Variants in ADARB2 observed in about 807,000 individuals in gnomAD.
ADARB2 encodes adenosine deaminase RNA specific B2 (inactive).
A neutral mutation model predicts 62.2 loss-of-function variants in ADARB2; 25 were observed. The observed-to-expected ratio is 0.40, with a 90% CI of 0.29 to 0.56. The LOEUF (loss-of-function observed/expected upper bound fraction) is 0.56. Ranked by LOEUF, ADARB2 falls within the 20% of genes least tolerant of loss-of-function variation. The pLI is 0.43. For missense variants in ADARB2, 1,071 were observed against 1,077.4 expected (o/e 0.99, Z 0.08); for synonymous variants, 572 against 500.8 (o/e 1.14, Z -1.90).
chr10:1,596,835 G>C (rs1286137772), intron 1 of ADARB2, among the ~76,000 whole-genome samples: 1 of 152,208 alleles, frequency 6.6e-6, no homozygotes, highest in African/African-American at 2.4e-5. Context: ...GCAGGAGGGA[G>C]AGTGGGAGCA....
chr10:1,402,687 T>G (rs1351833593), intron 1 of ADARB2, among the ~76,000 whole-genome samples: 1 of 152,016 alleles, frequency 6.6e-6, no homozygotes, highest in African/African-American at 2.4e-5. Context: ...AGAGGAAGCC[T>G]CCTCCCTGGG....
chr10:1,186,286 C>T (rs887857257), intron 8 of ADARB2, among the ~76,000 whole-genome samples: 6 of 152,052 alleles, frequency 3.9e-5, no homozygotes, highest in African/African-American at 9.7e-5. Context: ...GGCCCTCAGA[C>T]GTCCATGGGT....
intron 4 of ADARB2, among the ~76,000 whole-genome samples, chr10:1,249,747 C>G (rs544660534): frequency 6.6e-6 from 1 of 151,924 alleles, no homozygotes; most frequent in Non-Finnish European, 1.5e-5. Flanking sequence ...AAGAAATTAG[C>G]TCTGTAGTAA....
intron 1 of ADARB2, among the ~76,000 whole-genome samples, chr10:1,642,700 C>T (rs900159346): frequency 1.6e-4 from 24 of 152,040 alleles, no homozygotes; most frequent in Admixed American, 5.9e-4. Flanking sequence ...CACTCACACA[C>T]TCACACACTC....
chr10:1,472,680 G>A (rs994161648), intron 1 of ADARB2, among the ~76,000 whole-genome samples: 1 of 152,184 alleles, frequency 6.6e-6, no homozygotes, highest in Non-Finnish European at 1.5e-5. Flanking sequence ...CCTCTTGATC[G>A]CTCTGTGCAA....
Position 1,363,184 on chromosome 10 carries a change from C to A in ADARB2, c.921G>T (p.Val307=). The change falls in exon 3 of 10, where the codon GTG becomes GTT. Residue 307 remains valine (V), a synonymous_variant. Coordinates refer to ENST00000381312, the MANE Select transcript of ADARB2 (RefSeq NM_018702.4). ...EPAERRARSF[V]MAVSVDGRTF... ...TCCTGCCGTCCACGCTCACGGCCATCACGAAGCTCCGCGCGCGCCGCTCGG... is the reference window on the plus strand; with the variant it reads ...TCCTGCCGTCCACGCTCACGGCCATAACGAAGCTCCGCGCGCGCCGCTCGG... 6.6e-7 allele frequency: 1 copy of A among 1,522,170 alleles called. No individual in the cohort carries two copies. The highest frequency in any genetic ancestry group is 8.8e-7 in the Non-Finnish European group (1 of 1,142,114). The allele number at this position is 1,522,170 out of a possible 1,614,324, so 94.3% of individuals were successfully genotyped here.
intron 3 of ADARB2, among the ~76,000 whole-genome samples, chr10:1,298,581 G>A (rs1016739542): frequency 1.3e-5 from 2 of 152,128 alleles, no homozygotes; most frequent in African/African-American, 4.8e-5. Context: ...AGGCAAGGAA[G>A]GGCCTCTTTT....
intron 1 of ADARB2, among the ~76,000 whole-genome samples, chr10:1,587,552 T>C (rs1464809963): frequency 6.6e-6 from 1 of 151,814 alleles, no homozygotes; most frequent in African/African-American, 2.4e-5. Context: ...ATTTTTTTTT[T>C]CATAAGCACT....
At chr10:1,570,446 GGGCA>G (rs58309122) in intron 1 of ADARB2, among the ~76,000 whole-genome samples, 105,789 of 151,408 alleles carry the variant, frequency 0.7, 37,051 homozygotes, top group Admixed American at 0.75. Context: ...GAAGCAGGAC[GGGCA>G]GGCACCATGC....
chr10:1,189,783 G>A (rs924410168), intron 8 of ADARB2, among the ~76,000 whole-genome samples: 1 of 137,066 alleles, frequency 7.3e-6, no homozygotes, highest in Admixed American at 7.2e-5. Flanking sequence ...AACACGTGGC[G>A]CTACCTCCTT....
chr10:1,625,409 C>T (rs944726563), intron 1 of ADARB2, among the ~76,000 whole-genome samples: 3 of 152,220 alleles, frequency 2.0e-5, no homozygotes, highest in African/African-American at 4.8e-5. Context: ...CTTACAGGGA[C>T]TGAGGTTTGC....
chr10:1,210,274 T>A (rs1175138394), intron 7 of ADARB2, among the ~76,000 whole-genome samples: 2 of 152,236 alleles, frequency 1.3e-5, no homozygotes, highest in Non-Finnish European at 1.5e-5. Context: ...TTATTCTCAT[T>A]TTAATACATG....
In ADARB2 at chr10:1,185,067, G is replaced by A. The variant is rs199826438; in HGVS notation, c.1865-28C>T. ...GTCGGGGAGATGGGGAAAGGCGGGCGTTAATATTCCTGGCCTCACACGGGG... is the reference window on the plus strand; with the variant it reads ...GTCGGGGAGATGGGGAAAGGCGGGCATTAATATTCCTGGCCTCACACGGGG... On this transcript the variant is annotated intron_variant, in intron 8 of 9. Transcript: ENST00000381312. 119 of 1,600,160 alleles carry A rather than the reference G, an allele frequency of 7.4e-5. No individual in the cohort carries two copies. In the African/African-American group the frequency reaches 1.3e-3, roughly 17 times the overall value.
At chr10:1,230,863 A>G (rs1341425878) in intron 6 of ADARB2, among the ~76,000 whole-genome samples, 4 of 152,226 alleles carry the variant, frequency 2.6e-5, no homozygotes, top group Non-Finnish European at 5.9e-5. Context: ...TATCTGCTGC[A>G]AAAATGTGAG....
At chr10:1,580,488 A>G (rs941392194) in intron 1 of ADARB2, among the ~76,000 whole-genome samples, 1 of 146,788 alleles carries the variant, frequency 6.8e-6, no homozygotes, top group African/African-American at 2.5e-5. Context: ...TGAGATGAGA[A>G]AATTTGTCTT....
chr10:1,453,928 C>T (rs566984260), intron 1 of ADARB2, among the ~76,000 whole-genome samples: 1 of 152,250 alleles, frequency 6.6e-6, no homozygotes, highest in South Asian at 2.1e-4. Flanking sequence ...TGGCTATTTT[C>T]AGAAAATTAA....
rs1254105066 is a variant in ADARB2, at chr10:1,333,908, T to C, written c.1077+29120A>G. Among the ~76,000 whole-genome samples the C allele has an allele frequency of 2.0e-5, 3 of 152,108 alleles. No individual in the cohort carries two copies. The East Asian group carries it at 5.8e-4, about 29-fold the overall frequency. ...TCCTTTGCTACCCAGACTGATGAAA[T>C]ACAAACCTCTCAAAGAAAACAGACA... On this transcript the variant is annotated intron_variant, in intron 3 of 9. Transcript: ENST00000381312.
chr10:1,662,335 C>T (rs554339146), intron 1 of ADARB2, among the ~76,000 whole-genome samples: 65 of 152,178 alleles, frequency 4.3e-4, no homozygotes, highest in Non-Finnish European at 1.3e-4. Flanking sequence ...CCTCCATCCT[C>T]GGCCTCAGGA....
intron 1 of ADARB2, among the ~76,000 whole-genome samples, chr10:1,698,079 C>T: frequency 6.6e-6 from 1 of 152,310 alleles, no homozygotes; most frequent in South Asian, 2.1e-4. Context: ...AAATCAACAT[C>T]TCTACCTCTC....
Sources: gnomAD v4.1 joint callset for allele counts (sites outside exome capture counted in the v4.1 genomes callset) on GRCh38, gnomAD v4.1.1 for gene constraint, MANE v1.5 for transcripts, NCBI Gene and HGNC (gene_info 2026-07-23, HGNC 2026-07-21) for gene names.